Variants in RABGAP1L observed in about 807,000 individuals in gnomAD.
RABGAP1L encodes RAB GTPase activating protein 1 like.
A neutral mutation model predicts 137.7 loss-of-function variants in RABGAP1L; 63 were observed. That is an observed-to-expected ratio of 0.46 (90% confidence interval 0.37 to 0.56). The LOEUF is 0.56. RABGAP1L is among the 20% of genes least tolerant of loss of function. The pLI is 0.00. For synonymous variants in RABGAP1L, 431 were observed against 433.7 expected (o/e 0.99, Z 0.08); for missense variants, 1,095 against 1,244.0 (o/e 0.88, Z 1.80).
chr1:174,971,273 TAAATA>T (rs986251626), intron 21 of RABGAP1L, among the ~76,000 whole-genome samples: 6 of 150,916 alleles, frequency 4.0e-5, no homozygotes, highest in African/African-American at 1.5e-4. Flanking sequence ...AATATAATAC[TAAATA>T]ATATATATAA....
At chr1:174,310,043 C>G (rs569995410) in intron 11 of RABGAP1L, among the ~76,000 whole-genome samples, 15 of 151,944 alleles carry the variant, frequency 9.9e-5, no homozygotes, top group Non-Finnish European at 1.8e-4. Context: ...TGTTATTACT[C>G]ATTATTGGTT....
At chr1:174,640,606 T>TC (rs1298272626) in intron 14 of RABGAP1L, among the ~76,000 whole-genome samples, 2 of 152,042 alleles carry the variant, frequency 1.3e-5, no homozygotes, top group African/African-American at 4.8e-5. Flanking sequence ...CACTCAGCCG[T>TC]CCACCTCTGA....
At chr1:174,348,019 A>G (rs61828635) in intron 11 of RABGAP1L, among the ~76,000 whole-genome samples, 1 of 151,926 alleles carries the variant, frequency 6.6e-6, no homozygotes, top group Non-Finnish European at 1.5e-5. Flanking sequence ...ATTATTATTG[A>G]TAAATGAGGA....
At chr1:174,924,662 T>C (rs1223543361) in intron 19 of RABGAP1L, among the ~76,000 whole-genome samples, 2 of 152,136 alleles carry the variant, frequency 1.3e-5, no homozygotes, top group Non-Finnish European at 2.9e-5. Context: ...ATCTGGTCCT[T>C]CCCATCTTCC....
intron 13 of RABGAP1L, among the ~76,000 whole-genome samples, chr1:174,623,673 G>A (rs10912821): frequency 0.37 from 55,790 of 151,982 alleles, 13,495 homozygotes; most frequent in African/African-American, 0.69. Context: ...CAGATTTTTT[G>A]TTGAGGCTCT....
At chr1:174,403,249 A>ATGTGTGTGTGTGTGTGTG (rs1648846219) in intron 13 of RABGAP1L, among the ~76,000 whole-genome samples, 1 of 59,236 alleles carries the variant, frequency 1.7e-5, no homozygotes, top group African/African-American at 8.0e-5. Context: ...GTGTGTGTGT[A>ATGTGTGTGTGTGTGTGTG]TATATATGTG....
chr1:174,345,942 G>A (rs1682388190), intron 11 of RABGAP1L, among the ~76,000 whole-genome samples: 1 of 151,766 alleles, frequency 6.6e-6, no homozygotes, highest in African/African-American at 2.4e-5. Context: ...TTTTTTTGAG[G>A]GGTTTTATCA....
chr1:174,373,563 G>C (rs1685278357), intron 12 of RABGAP1L, among the ~76,000 whole-genome samples: 1 of 152,182 alleles, frequency 6.6e-6, no homozygotes, highest in African/African-American at 2.4e-5. Context: ...TGTTTAGAAA[G>C]AACTGTCAGG....
chr1:174,180,254 C>A (rs553378357), intron 1 of RABGAP1L, among the ~76,000 whole-genome samples: 7 of 152,286 alleles, frequency 4.6e-5, no homozygotes, highest in South Asian at 4.1e-4. Context: ...CTGGTTTGAA[C>A]CCTGACTCCA....
At chr1:174,584,381 G>A (rs1668962409) in intron 13 of RABGAP1L, among the ~76,000 whole-genome samples, 1 of 152,162 alleles carries the variant, frequency 6.6e-6, no homozygotes, top group Non-Finnish European at 1.5e-5. Flanking sequence ...TTAGCCTGGA[G>A]TGATAGGATC....
At chr1:174,255,696 G>T (rs1398158807) in intron 7 of RABGAP1L, among the ~76,000 whole-genome samples, 2 of 152,024 alleles carry the variant, frequency 1.3e-5, no homozygotes, top group African/African-American at 4.8e-5. Context: ...GGCTAATTTT[G>T]TATATTTTTA....
chr1:174,337,199 GT>G (rs1308414517), intron 11 of RABGAP1L, among the ~76,000 whole-genome samples: 1 of 152,018 alleles, frequency 6.6e-6, no homozygotes, highest in African/African-American at 2.4e-5. Flanking sequence ...ACTGTAATCA[GT>G]TTTGTTTAGG....
At chr1:174,273,885 A>G (rs1674755972) in intron 8 of RABGAP1L, among the ~76,000 whole-genome samples, 1 of 152,180 alleles carries the variant, frequency 6.6e-6, no homozygotes, top group Non-Finnish European at 1.5e-5. Flanking sequence ...AGTTGTGAGC[A>G]TTCATGCTCT....
At chr1:174,195,785 T>TTTTCTTTCTTTCTTTCTTTCTTTCTTTC (rs201234883) in intron 1 of RABGAP1L, among the ~76,000 whole-genome samples, 11 of 112,872 alleles carry the variant, frequency 9.7e-5, no homozygotes, top group African/African-American at 4.0e-4. Context: ...CCTTTCTTTC[T>TTTTCTTTCTTTCTTTCTTTCTTTCTTTC]TTTCTTTCTT....
intron 1 of RABGAP1L, among the ~76,000 whole-genome samples, chr1:174,197,490 G>T (rs971897069): frequency 3.3e-5 from 5 of 152,168 alleles, no homozygotes; most frequent in African/African-American, 1.2e-4. Context: ...GAAAACCATA[G>T]AATTTGTTTC....
chr1:174,523,680 C>T (rs1241456942), intron 13 of RABGAP1L, among the ~76,000 whole-genome samples: 1 of 152,150 alleles, frequency 6.6e-6, no homozygotes, highest in Non-Finnish European at 1.5e-5. Context: ...TATGATAATA[C>T]TGTTGTTAAC....
At chr1:174,393,930 T>C in intron 12 of RABGAP1L, 65 bp from the exon 13 acceptor site, 1 of 1,547,878 alleles carries the variant, frequency 6.5e-7, no homozygotes, top group Non-Finnish European at 8.8e-7. Flanking sequence ...AGTATACTTT[T>C]CATGGCAACA....
chr1:174,917,168 C>T (rs1043466001), intron 19 of RABGAP1L, among the ~76,000 whole-genome samples: 5 of 152,176 alleles, frequency 3.3e-5, no homozygotes, highest in Non-Finnish European at 7.4e-5. Flanking sequence ...AAGGCTGCAC[C>T]TCCAAATGCC....
intron 13 of RABGAP1L, among the ~76,000 whole-genome samples, chr1:174,559,304 G>A (rs1393691176): frequency 1.3e-5 from 2 of 152,054 alleles, no homozygotes; most frequent in African/African-American, 2.4e-5. Context: ...AGAAAACCAA[G>A]CATTGACACA....
Sources: allele counts gnomAD v4.1 joint callset (sites outside exome capture counted in the v4.1 genomes callset), GRCh38; gene constraint gnomAD v4.1.1; transcripts MANE v1.5; gene names NCBI Gene and HGNC (gene_info 2026-07-23, HGNC 2026-07-21).